SORBS2: variants seen among roughly 807,000 people sequenced by gnomAD.
SORBS2 encodes sorbin and SH3 domain-containing protein 2.
Under a neutral mutation model 97.7 loss-of-function variants are expected in SORBS2, and 46 were observed. That is an observed-to-expected ratio of 0.47 (90% CI 0.37 to 0.60). SORBS2 has a LOEUF of 0.60. Ranked by LOEUF, SORBS2 falls within the 20% of genes least tolerant of loss-of-function variation. The pLI is 0.00. For synonymous variants in SORBS2, 476 were observed against 473.4 expected (o/e 1.01, Z -0.07); for missense variants, 1,316 against 1,282.3 (o/e 1.03, Z -0.40).
intron 1 of SORBS2, among the ~76,000 whole-genome samples, chr4:185,777,979 T>A (rs2099008307): frequency 6.6e-6 from 1 of 152,190 alleles, no homozygotes; most frequent in East Asian, 1.9e-4. Context: ...ATGTAAACTA[T>A]CATATCATTT....
At chr4:185,744,664 T>C (rs1055626160) in intron 2 of SORBS2, among the ~76,000 whole-genome samples, 1 of 152,242 alleles carries the variant, frequency 6.6e-6, no homozygotes, top group Non-Finnish European at 1.5e-5. Flanking sequence ...ATGAGAACTT[T>C]CCACAAATTC....
In SORBS2 at chr4:185,778,952, G is replaced by C. The variant is rs539161379; in HGVS notation, c.-337-3586C>G. ...ATAAACGAGCACGCCAACTTTAAGA[G>C]TGTGTCTGAATAACCTCATTAGTTT... is the stretch of plus-strand genomic sequence containing the variant. On this transcript the variant is annotated intron_variant, in intron 1 of 20. Coordinates refer to the SORBS2 transcript ENST00000284776. Among the ~76,000 whole-genome samples the C allele has an allele frequency of 1.4e-3, 216 of 152,328 alleles. 1 individual carries two copies. The highest frequency in any genetic ancestry group is 4.9e-3 in the African/African-American group (205 of 41,580).
chr4:185,743,979 C>CCCT (rs910531752), intron 2 of SORBS2, among the ~76,000 whole-genome samples: 1 of 137,360 alleles, frequency 7.3e-6, no homozygotes, highest in African/African-American at 2.9e-5. Flanking sequence ...CTTCTTCCTC[C>CCCT]CCTCCTCCTC....
At chr4:185,744,952 C>G (rs183730949) in intron 2 of SORBS2, among the ~76,000 whole-genome samples, 17 of 152,332 alleles carry the variant, frequency 1.1e-4, no homozygotes, top group Admixed American at 7.8e-4. Context: ...ATATTGAAGT[C>G]GCCCAAACTG....
At chr4:185,895,002 T>G (rs1428110228) in intron 1 of SORBS2, among the ~76,000 whole-genome samples, 1 of 152,212 alleles carries the variant, frequency 6.6e-6, no homozygotes, top group Non-Finnish European at 1.5e-5. Flanking sequence ...GGCATCAGTG[T>G]TTTAATGACC....
chr4:185,817,243 C>A (rs985162436), intron 1 of SORBS2, among the ~76,000 whole-genome samples: 6 of 151,744 alleles, frequency 4.0e-5, no homozygotes, highest in Admixed American at 1.3e-4. Flanking sequence ...CCACAATTAA[C>A]CCCCTCCCAC....
At chr4:185,731,213 G>A (rs1237494535) in intron 2 of SORBS2, among the ~76,000 whole-genome samples, 1 of 152,142 alleles carries the variant, frequency 6.6e-6, no homozygotes, top group African/African-American at 2.4e-5. Context: ...CTGCCCACCT[G>A]AGGAGGAGGA....
At chr4:185,946,481 A>G (rs1050066494) in intron 1 of SORBS2, among the ~76,000 whole-genome samples, 1 of 152,208 alleles carries the variant, frequency 6.6e-6, no homozygotes, top group Non-Finnish European at 1.5e-5. Flanking sequence ...AAAACTTGAG[A>G]TGAGAGTTAG....
chr4:185,771,591 G>A (rs1405736951), intron 2 of SORBS2: 1 of 152,136 alleles, frequency 6.6e-6, no homozygotes, highest in African/African-American at 2.4e-5. Context: ...CTCTACTAGG[G>A]CATCCACTGC....
intron 2 of SORBS2, among the ~76,000 whole-genome samples, chr4:185,762,113 G>C (rs1289956397): frequency 6.6e-6 from 1 of 152,198 alleles, no homozygotes; most frequent in Non-Finnish European, 1.5e-5. Flanking sequence ...TGTGAACTAG[G>C]AAAGGAGTGA....
rs951184419 is a variant in SORBS2, at chr4:185,625,043, A to T, written c.635-549T>A. Among the ~76,000 whole-genome samples, 3 of 152,258 alleles carry T rather than the reference A, an allele frequency of 2.0e-5. No individual in the cohort carries two copies. The East Asian group carries it at 5.8e-4, about 29-fold the overall frequency. ...TTGTGGGTTTTAGATTTTAAAAGCTATAAGGCAAAGTATTCTCCAAAATTG... is the reference window on the plus strand; with the variant it reads ...TTGTGGGTTTTAGATTTTAAAAGCTTTAAGGCAAAGTATTCTCCAAAATTG... On this transcript the variant is annotated intron_variant, in intron 6 of 14. Transcript: ENST00000418609.
At chr4:185,709,514 T>G (rs2098398771) in intron 2 of SORBS2, among the ~76,000 whole-genome samples, 1 of 152,094 alleles carries the variant, frequency 6.6e-6, no homozygotes, top group Non-Finnish European at 1.5e-5. Context: ...TTGTTACTTT[T>G]AAAATGAAAT....
intron 1 of SORBS2, among the ~76,000 whole-genome samples, chr4:185,851,465 T>A (rs551762195): frequency 6.6e-6 from 1 of 152,354 alleles, no homozygotes; most frequent in East Asian, 1.9e-4. Context: ...GGGGTTGCAC[T>A]TACAAGCTGT....
chr4:185,720,646 T>C (rs1435992000), intron 2 of SORBS2, among the ~76,000 whole-genome samples: 1 of 152,200 alleles, frequency 6.6e-6, no homozygotes, highest in African/African-American at 2.4e-5. Flanking sequence ...GCCTTGTGAC[T>C]CCATCTTATG....
intron 1 of SORBS2, among the ~76,000 whole-genome samples, chr4:185,832,369 C>A (rs754893406): frequency 2.0e-5 from 3 of 152,140 alleles, no homozygotes; most frequent in Non-Finnish European, 4.4e-5. Flanking sequence ...AGCCTTAAAT[C>A]AAAAATTTAC....
intron 1 of SORBS2, among the ~76,000 whole-genome samples, chr4:185,855,065 A>T (rs924385360): frequency 1.3e-5 from 2 of 152,194 alleles, no homozygotes; most frequent in Non-Finnish European, 2.9e-5. Context: ...CTAATGGTTT[A>T]TTTGCCTCTG....
chr4:185,817,053 A>C (rs892686334), intron 1 of SORBS2, among the ~76,000 whole-genome samples: 1 of 152,190 alleles, frequency 6.6e-6, no homozygotes, highest in Non-Finnish European at 1.5e-5. Context: ...TTTACTGGCT[A>C]ATAATAACAA....
At chr4:185,622,004 A>C (rs1424101170) in intron 7 of SORBS2, among the ~76,000 whole-genome samples, 2 of 152,240 alleles carry the variant, frequency 1.3e-5, no homozygotes, top group Non-Finnish European at 2.9e-5. Context: ...TCAGCCCGGA[A>C]TGTTCATTCC....
chr4:185,897,145 C>T (rs1239960445), intron 1 of SORBS2, among the ~76,000 whole-genome samples: 1 of 152,212 alleles, frequency 6.6e-6, no homozygotes, highest in Non-Finnish European at 1.5e-5. Flanking sequence ...AGGACCGTCA[C>T]AGTAACCACA....
Sources: allele counts gnomAD v4.1 joint callset (sites outside exome capture counted in the v4.1 genomes callset), GRCh38; gene constraint gnomAD v4.1.1; transcripts MANE v1.5; gene names NCBI Gene and HGNC (gene_info 2026-07-23, HGNC 2026-07-21).